Variants in GRIP1 observed in about 807,000 individuals in gnomAD.
GRIP1 encodes glutamate receptor interacting protein 1.
GRIP1 carries 45 observed loss-of-function variants against 129.9 expected under a neutral mutation model. That is an observed-to-expected ratio of 0.35 (90% CI 0.27 to 0.44). GRIP1 has a LOEUF of 0.44. GRIP1 is among the 20% of genes least tolerant of loss of function. The probability of loss-of-function intolerance (pLI) is 1.00; values close to 1 mark genes in which losing one functional copy is unlikely to be tolerated. For missense variants in GRIP1, 1,196 were observed against 1,396.8 expected, an observed-to-expected ratio of 0.86 and a Z score of 2.29; for synonymous variants, 530 against 520.8, an observed-to-expected ratio of 1.02 and a Z score of -0.24.
chr12:67,008,730 T>C (rs1463303634), intron 1 of GRIP1, among the ~76,000 whole-genome samples: 1 of 152,164 alleles, frequency 6.6e-6, no homozygotes, highest in Non-Finnish European at 1.5e-5. Context: ...AGCACAGTGT[T>C]CAAACAGTAA....
At chr12:66,931,433 T>C (rs901127973) in intron 1 of GRIP1, among the ~76,000 whole-genome samples, 3 of 151,678 alleles carry the variant, frequency 2.0e-5, no homozygotes, top group African/African-American at 4.8e-5. Flanking sequence ...AAGCAATGAG[T>C]AGAATAATGA....
chr12:66,774,917 G>A (rs1329322227), intron 1 of GRIP1, among the ~76,000 whole-genome samples: 1 of 152,162 alleles, frequency 6.6e-6, no homozygotes, highest in Non-Finnish European at 1.5e-5. Flanking sequence ...CATTAACAAA[G>A]AGGGGGAGGG....
chr12:66,600,089 C>T (rs2064213166), intron 1 of GRIP1, among the ~76,000 whole-genome samples: 1 of 152,156 alleles, frequency 6.6e-6, no homozygotes, highest in African/African-American at 2.4e-5. Context: ...CAATTATTTT[C>T]GTGTGTATAT....
chr12:66,430,713 C>G (rs2058121764), intron 14 of GRIP1, among the ~76,000 whole-genome samples: 1 of 152,098 alleles, frequency 6.6e-6, no homozygotes, highest in African/African-American at 2.4e-5. Flanking sequence ...TTATATCAAT[C>G]TGTAACTAAG....
At chr12:66,762,414 T>G (rs1672106756) in intron 1 of GRIP1, among the ~76,000 whole-genome samples, 1 of 152,178 alleles carries the variant, frequency 6.6e-6, no homozygotes, top group Admixed American at 6.5e-5. Flanking sequence ...GGGATGGAGC[T>G]TCTTAGTCTT....
chr12:66,401,598 G>GTGTC (rs71096098), intron 16 of GRIP1, among the ~76,000 whole-genome samples: 1 of 66,262 alleles, frequency 1.5e-5, no homozygotes, highest in African/African-American at 6.1e-5. Context: ...AAATATGTGT[G>GTGTC]TATATATATA....
intron 7 of GRIP1, among the ~76,000 whole-genome samples, chr12:66,507,918 G>T (rs753983396): frequency 3.9e-5 from 6 of 152,112 alleles, no homozygotes; most frequent in African/African-American, 1.4e-4. Flanking sequence ...CTACAGATGG[G>T]TGCTACCATG....
chr12:66,540,973 T>A (rs10784551), intron 3 of GRIP1, among the ~76,000 whole-genome samples: 91,731 of 151,224 alleles, frequency 0.61, 28,297 homozygotes, highest in African/African-American at 0.73. Flanking sequence ...TTTTTTTTTT[T>A]AATTTTTTTT....
chr12:66,887,660 T>C (rs528739932), intron 1 of GRIP1, among the ~76,000 whole-genome samples: 1 of 152,362 alleles, frequency 6.6e-6, no homozygotes, highest in South Asian at 2.1e-4. Flanking sequence ...GTATGTCTCA[T>C]GTATTTCTAT....
chr12:66,406,530 GAA>G, intron 15 of GRIP1, 102 bp from the exon 16 acceptor site: 1 of 1,137,528 alleles, frequency 8.8e-7, no homozygotes, highest in Admixed American at 1.7e-5. Context: ...GTCTTTAGAG[GAA>G]AAGAGGTTCA....
chr12:66,868,306 A>C (rs1348629279), intron 1 of GRIP1, among the ~76,000 whole-genome samples: 1 of 152,166 alleles, frequency 6.6e-6, no homozygotes. Flanking sequence ...AGAGGAGAAG[A>C]AAGACAGTCC....
intron 1 of GRIP1, among the ~76,000 whole-genome samples, chr12:66,799,011 G>A (rs1346039042): frequency 6.6e-6 from 1 of 152,120 alleles, no homozygotes; most frequent in Admixed American, 6.6e-5. Flanking sequence ...AGAGGTGAAG[G>A]ACCAGACCCA....
At chr12:66,768,461 T>C (rs753174627) in intron 1 of GRIP1, among the ~76,000 whole-genome samples, 1 of 152,150 alleles carries the variant, frequency 6.6e-6, no homozygotes, top group Non-Finnish European at 1.5e-5. Flanking sequence ...AGACTAGAAT[T>C]GCCAATACAG....
At chr12:66,616,803 T>C (rs1441748507) in intron 1 of GRIP1, among the ~76,000 whole-genome samples, 1 of 152,126 alleles carries the variant, frequency 6.6e-6, no homozygotes, top group Non-Finnish European at 1.5e-5. Flanking sequence ...TCTCTGTTCC[T>C]CAGGGAAAAC....
upstream of GRIP1, among the ~76,000 whole-genome samples, chr12:66,683,375 G>A (rs544960901): frequency 7.2e-5 from 11 of 151,978 alleles, no homozygotes; most frequent in Non-Finnish European, 1.3e-4. Flanking sequence ...AACAGAACTC[G>A]CCAGTAATGA....
chr12:66,489,165 C>T (rs2060038757), intron 7 of GRIP1, among the ~76,000 whole-genome samples: 2 of 152,188 alleles, frequency 1.3e-5, no homozygotes, highest in South Asian at 4.2e-4. Context: ...AGGGATACAA[C>T]AAGAAAAGAA....
chr12:66,494,720 TA>T (rs796448541), intron 7 of GRIP1, among the ~76,000 whole-genome samples: 10 of 145,976 alleles, frequency 6.9e-5, no homozygotes, highest in Admixed American at 1.4e-4. Flanking sequence ...AAAAACAAAT[TA>T]AAAAAAAAAG....
At chr12:66,654,274 C>T (rs1322385003) in intron 1 of GRIP1, among the ~76,000 whole-genome samples, 1 of 152,104 alleles carries the variant, frequency 6.6e-6, no homozygotes, top group African/African-American at 2.4e-5. Flanking sequence ...TAAAACTATT[C>T]AAGATGAACT....
At chr12:66,657,501 C>T (rs1565946749) in intron 1 of GRIP1, among the ~76,000 whole-genome samples, 1 of 152,200 alleles carries the variant, frequency 6.6e-6, no homozygotes, top group Non-Finnish European at 1.5e-5. Flanking sequence ...AGCTTTACTC[C>T]AATCATCATC....
Sources: allele counts gnomAD v4.1 joint callset (sites outside exome capture counted in the v4.1 genomes callset), GRCh38; gene constraint gnomAD v4.1.1; transcripts MANE v1.5; gene names NCBI Gene and HGNC (gene_info 2026-07-23, HGNC 2026-07-21).